NT5C2: variants seen among roughly 807,000 people sequenced by gnomAD.
NT5C2 encodes cytosolic purine 5'-nucleotidase.
A neutral mutation model predicts 76.1 loss-of-function variants in NT5C2; 58 were observed. The ratio of observed to expected loss-of-function variants is 0.76; its 90% confidence interval spans 0.62 to 0.95. The LOEUF (loss-of-function observed/expected upper bound fraction) is 0.95. Ranked by LOEUF, NT5C2 falls within the 40% of genes least tolerant of loss-of-function variation. NT5C2 has a pLI of 0.00. For synonymous variants in NT5C2, 229 were observed against 237.4 expected, an observed-to-expected ratio of 0.96 and a Z score of 0.32; for missense variants, 478 against 690.3, an observed-to-expected ratio of 0.69 and a Z score of 3.45.
chr10:103,101,131 G>T, intron 7 of NT5C2, 29 bp from the exon 8 acceptor site: 1 of 1,541,600 alleles, frequency 6.5e-7, no homozygotes, highest in Non-Finnish European at 9.0e-7. Context: ...ATATTCATAA[G>T]CTATAATGAA....
chr10:103,100,936 TA>T (rs1214244163), intron 8 of NT5C2, 108 bp downstream of exon 8: 5 of 747,844 alleles, frequency 6.7e-6, no homozygotes, highest in Non-Finnish European at 1.2e-5. Flanking sequence ...TCACTAGCAC[TA>T]AATTCACTTT....
intron 1 of NT5C2, among the ~76,000 whole-genome samples, chr10:103,184,758 CTTGA>C (rs1432883381): frequency 6.6e-5 from 10 of 152,268 alleles, no homozygotes; most frequent in South Asian, 2.1e-4. Flanking sequence ...AGATTCTTGG[CTTGA>C]TTAACATAAT....
In NT5C2 at chr10:103,093,188, CA is replaced by C. The variant is rs1458171628; in HGVS notation, c.1109del (p.Leu370TrpfsTer2). Reference sequence around the variant, plus strand: ...GCTCCTGTGCGAGTTCAGGAATCACCAAAAAAGTTCGCCACCCTTGCCGTTT... The same window carrying C: ...GCTCCTGTGCGAGTTCAGGAATCACCAAAAAGTTCGCCACCCTTGCCGTTT... ...SKKRQGWRTFLVIPELAQELH... is the reference protein window; with the variant it reads ...SKKRQGWRTFXVIPELAQELH... On this transcript the variant is annotated frameshift_variant, in exon 15 of 19. Coordinates refer to ENST00000404739, the MANE Select transcript of NT5C2 (RefSeq NM_001351169.2). LOFTEE classifies it high-confidence loss of function. The C allele has an allele frequency of 2.5e-6, 4 of 1,611,414 alleles. No homozygotes were observed. Among genetic ancestry groups the C allele is most frequent in the South Asian group, 2.2e-5 (2 of 90,306 alleles).
chr10:103,122,089 G>A (rs1004023184), intron 4 of NT5C2, among the ~76,000 whole-genome samples: 3 of 152,218 alleles, frequency 2.0e-5, no homozygotes, highest in East Asian at 1.9e-4. Context: ...CGCCAGAATC[G>A]CTTGAATCCG....
At chr10:103,185,987 T>A (rs2091967860) in intron 1 of NT5C2, among the ~76,000 whole-genome samples, 1 of 152,250 alleles carries the variant, frequency 6.6e-6, no homozygotes, top group African/African-American at 2.4e-5. Context: ...TGTATGATTC[T>A]AAGCAGCATA....
intron 3 of NT5C2, among the ~76,000 whole-genome samples, chr10:103,159,745 G>A (rs1320978388): frequency 6.6e-6 from 1 of 151,572 alleles, no homozygotes; most frequent in African/African-American, 2.4e-5. Flanking sequence ...AAATACTGTT[G>A]AAAGAATTAA....
intron 3 of NT5C2, chr10:103,153,555 G>C (rs542173172): frequency 4.1e-6 from 4 of 985,360 alleles, no homozygotes; most frequent in Non-Finnish European, 4.8e-6. Flanking sequence ...CTAATGGCCT[G>C]AACTGTTTAA....
At chr10:103,186,407 G>T (rs1157402900) in intron 1 of NT5C2, among the ~76,000 whole-genome samples, 2 of 152,156 alleles carry the variant, frequency 1.3e-5, no homozygotes, top group African/African-American at 4.8e-5. Context: ...TCTACTTTTG[G>T]AGTCAAAACC....
chr10:103,124,737 G>C (rs2076347746), intron 4 of NT5C2, among the ~76,000 whole-genome samples: 3 of 151,952 alleles, frequency 2.0e-5, no homozygotes, highest in African/African-American at 7.2e-5. Flanking sequence ...ACAAGGCAGA[G>C]CTGGGATCCA....
At chr10:103,156,160 C>T (rs1021046474) in intron 3 of NT5C2, among the ~76,000 whole-genome samples, 1 of 151,754 alleles carries the variant, frequency 6.6e-6, no homozygotes, top group African/African-American at 2.4e-5. Flanking sequence ...GACTCCATCT[C>T]TTGAAAAAAA....
At position 103,093,120 on chromosome 10, in the gene NT5C2, A is replaced by C; in HGVS notation, c.1159+19T>G. ...GTCATTTAGATATAAATTACACCAA[A>C]GATTTATGAATGGCTTACAACTCTT... On this transcript the variant is annotated intron_variant, in intron 15 of 18. Transcript: ENST00000404739. 1 of 1,537,184 alleles carries C rather than the reference A, an allele frequency of 6.5e-7. No homozygotes were observed. Among genetic ancestry groups the C allele is most frequent in the African/African-American group, 1.4e-5 (1 of 71,724 alleles).
rs534738412 is a variant in NT5C2 at position 103,109,486 on chromosome 10, C to T, written c.176-2780G>A. ...CATAAAACAAAAATTATTTCTCAAT[C>T]CTAACCAAGGCCCCATTTATTTCAA... On this transcript the variant is annotated intron_variant, in intron 4 of 18. Coordinates refer to ENST00000404739, the MANE Select transcript of NT5C2 (RefSeq NM_001351169.2). Among the ~76,000 whole-genome samples the T allele has an allele frequency of 1.3e-3, 204 of 152,280 alleles. 1 individual carries two copies. Among genetic ancestry groups the T allele is most frequent in the Non-Finnish European group, 2.4e-3 (164 of 68,020 alleles).
chr10:103,143,602 A>ATTTTTTTTTTTT, intron 3 of NT5C2, among the ~76,000 whole-genome samples: 1 of 53,822 alleles, frequency 1.9e-5, no homozygotes, highest in Non-Finnish European at 3.2e-5. Context: ...ATGTCCAGCT[A>ATTTTTTTTTTTT]TTTTTTTTTT....
chr10:103,135,090 AT>A (rs1017281893), intron 4 of NT5C2, among the ~76,000 whole-genome samples: 2 of 152,236 alleles, frequency 1.3e-5, no homozygotes, highest in African/African-American at 4.8e-5. Context: ...CAGATGAGAT[AT>A]TGGACTGTGA....
At chr10:103,172,364 T>G (rs936262426) in intron 3 of NT5C2, among the ~76,000 whole-genome samples, 13 of 149,716 alleles carry the variant, frequency 8.7e-5, no homozygotes, top group African/African-American at 3.2e-4. Context: ...TTCTCCTGCC[T>G]CAGCCTCCCG....
At chr10:103,142,645 G>A (rs1274116918) in intron 3 of NT5C2, among the ~76,000 whole-genome samples, 1 of 151,924 alleles carries the variant, frequency 6.6e-6, no homozygotes, top group Non-Finnish European at 1.5e-5. Context: ...TCCAGCATGG[G>A]TGACAGAGTA....
chr10:103,147,694 GATTT>G (rs1307612124), intron 3 of NT5C2, among the ~76,000 whole-genome samples: 1 of 152,132 alleles, frequency 6.6e-6, no homozygotes, highest in East Asian at 1.9e-4. Context: ...TTGAGACCAG[GATTT>G]ATAATCTTCC....
At chr10:103,186,598 C>T (rs1319628869) in intron 1 of NT5C2, among the ~76,000 whole-genome samples, 6 of 152,068 alleles carry the variant, frequency 3.9e-5, no homozygotes, top group Non-Finnish European at 8.8e-5. Flanking sequence ...CAAAAGTAAA[C>T]GAGTAATTCA....
chr10:103,144,913 C>T (rs1289226178), intron 3 of NT5C2, among the ~76,000 whole-genome samples: 1 of 152,168 alleles, frequency 6.6e-6, no homozygotes, highest in African/African-American at 2.4e-5. Flanking sequence ...AAAGCAATTC[C>T]TGAACTTAGA....
Sources: allele counts gnomAD v4.1 joint callset (sites outside exome capture counted in the v4.1 genomes callset), GRCh38; gene constraint gnomAD v4.1.1; transcripts MANE v1.5; gene names NCBI Gene and HGNC (gene_info 2026-07-23, HGNC 2026-07-21).